Variants in PRDM2 observed in about 807,000 individuals in gnomAD.
PRDM2 encodes the protein PR/SET domain 2.
In PRDM2, 30 loss-of-function variants were observed where a neutral mutation model predicts 130.0. The ratio of observed to expected loss-of-function variants is 0.23; its 90% CI spans 0.17 to 0.31. The LOEUF is 0.31. Ranked by LOEUF, PRDM2 falls within the 10% of genes least tolerant of loss-of-function variation. The pLI, the probability that PRDM2 is intolerant of heterozygous loss-of-function variation, is 1.00. For missense variants in PRDM2, 2,011 were observed against 2,108.4 expected (o/e 0.95, Z 0.90); for synonymous variants, 871 against 782.4 (o/e 1.11, Z -1.89).
intron 4 of PRDM2, among the ~76,000 whole-genome samples, chr1:13,737,843 T>C (rs1250787539): frequency 2.0e-5 from 3 of 152,190 alleles, no homozygotes; most frequent in African/African-American, 7.2e-5. Context: ...TTTTAGCACA[T>C]ACCAGGCACT....
At chr1:13,762,673 T>C (rs1644126992) in intron 6 of PRDM2, among the ~76,000 whole-genome samples, 1 of 152,234 alleles carries the variant, frequency 6.6e-6, no homozygotes, top group African/African-American at 2.4e-5. Context: ...GGGATAATCC[T>C]TGGAGACCAG....
intron 8 of PRDM2, 116 bp downstream of exon 8, chr1:13,782,947 A>G: frequency 6.4e-7 from 1 of 1,558,682 alleles, no homozygotes; most frequent in Non-Finnish European, 8.6e-7. Flanking sequence ...TAAAGGAAAT[A>G]GCTGTTGTAT....
chr1:13,788,851 C>T (rs911159361), intron 8 of PRDM2, among the ~76,000 whole-genome samples: 2 of 152,220 alleles, frequency 1.3e-5, no homozygotes, highest in Non-Finnish European at 2.9e-5. Context: ...AACGGGCCTC[C>T]AACAAGCGCC....
rs1431529658 is a variant in PRDM2 at position 13,803,911 on chromosome 1, C to CGTG, written c.5037-12514_5037-12512dup. 1.3e-5 allele frequency among the ~76,000 whole-genome samples: 2 copies of CGTG among 152,118 alleles called. No homozygotes were observed. Among genetic ancestry groups the CGTG allele is most frequent in the African/African-American group, 4.8e-5 (2 of 41,424 alleles). Reference sequence around the variant, plus strand: ...AGGGGCGTGATTGATCTTTTGGGAGCGTGGAGGCCACATTGGGGGCTCAGC... The same window carrying CGTG: ...AGGGGCGTGATTGATCTTTTGGGAGCGTGGTGGAGGCCACATTGGGGGCTCAGC... On this transcript the variant is annotated intron_variant, in intron 8 of 9. Coordinates refer to ENST00000311066, the MANE Select transcript of PRDM2 (RefSeq NM_001393986.1). The surrounding 1 kb of genome is among the most constrained non-coding windows in gnomAD (Gnocchi z 6.2).
chr1:13,734,211 C>T (rs759761360), intron 4 of PRDM2, among the ~76,000 whole-genome samples: 26 of 152,168 alleles, frequency 1.7e-4, no homozygotes, highest in Non-Finnish European at 3.8e-4. Flanking sequence ...TGTAGAAAAA[C>T]TGCCCGGCCA....
At chr1:13,736,940 CTG>C (rs1277613473) in intron 4 of PRDM2, among the ~76,000 whole-genome samples, 1 of 152,152 alleles carries the variant, frequency 6.6e-6, no homozygotes, top group African/African-American at 2.4e-5. Flanking sequence ...GAAATTGTCT[CTG>C]TATAATGAGA....
rs149217894 is a variant in PRDM2 at position 13,804,834 on chromosome 1, G to A, written c.5037-11593G>A. 8.1e-3 allele frequency among the ~76,000 whole-genome samples: 1,231 copies of A among 152,302 alleles called. 23 individuals carry two copies. The highest frequency in any genetic ancestry group is 0.03 in the South Asian group (144 of 4,826). ...TGCCCTCTGAGCAAAGGTGGGTCCA[G>A]CCCAAAACAGACTGCCAGAGTCTTG... On this transcript the variant is annotated intron_variant, in intron 8 of 9. Transcript: ENST00000311066.
chr1:13,713,928 G>A (rs780005143), intron 1 of PRDM2, among the ~76,000 whole-genome samples: 78 of 152,190 alleles, frequency 5.1e-4, no homozygotes, highest in Non-Finnish European at 9.1e-4. Flanking sequence ...GAGTGCAGTG[G>A]CACGATCTCG....
chr1:13,780,191 G>C lies in PRDM2; in HGVS notation c.2396G>C (p.Cys799Ser). The C allele has an allele frequency of 6.2e-7, 1 of 1,600,876 alleles. No homozygotes were observed. Among genetic ancestry groups the C allele is most frequent in the Non-Finnish European group, 8.5e-7 (1 of 1,172,514 alleles). The change falls in exon 8 of 10, where the codon TGC becomes TCC. Residue 799 changes from cysteine to serine, a missense_variant. Transcript: ENST00000311066. ...RDERETVSPP[C>S]FDEYKMSKEW... ...GAGAGAGAAACTGTGAGCCCTCCAT[G>C]CTTTGATGAATATAAAATGTCTAAA...
intron 1 of PRDM2, among the ~76,000 whole-genome samples, chr1:13,700,782 CTTTGTGTT>C (rs929928942): frequency 2.6e-5 from 4 of 152,268 alleles, no homozygotes; most frequent in African/African-American, 9.6e-5. Context: ...TGTCTTGCGT[CTTTGTGTT>C]TCCCAAATAG....
intron 6 of PRDM2, among the ~76,000 whole-genome samples, chr1:13,755,404 A>G (rs1314752897): frequency 6.6e-6 from 1 of 152,126 alleles, no homozygotes; most frequent in African/African-American, 2.4e-5. Flanking sequence ...TTAGGTGGTT[A>G]TTTTGGTTCT....
intron 8 of PRDM2, among the ~76,000 whole-genome samples, chr1:13,796,961 C>A (rs1430202185): frequency 6.6e-6 from 1 of 152,210 alleles, no homozygotes; most frequent in Non-Finnish European, 1.5e-5. Flanking sequence ...AAAGTGCAAT[C>A]AATTCCTTTC....
At chr1:13,749,571 C>T (rs966186455) in intron 6 of PRDM2, 84 bp downstream of exon 6, 3 of 925,278 alleles carry the variant, frequency 3.2e-6, no homozygotes, top group African/African-American at 1.8e-5. Context: ...GCTGCTGGCC[C>T]GACCGCGAGG....
chr1:13,708,677 A>G (rs1642280349), intron 1 of PRDM2, among the ~76,000 whole-genome samples: 1 of 152,194 alleles, frequency 6.6e-6, no homozygotes, highest in African/African-American at 2.4e-5. Flanking sequence ...TTTATTTGTG[A>G]ACATTCTATT....
At chr1:13,786,112 A>G (rs898607962) in intron 8 of PRDM2, among the ~76,000 whole-genome samples, 1 of 152,002 alleles carries the variant, frequency 6.6e-6, no homozygotes, top group African/African-American at 2.4e-5. Flanking sequence ...TGCTGGGATT[A>G]CAGGTGTGAG....
At position 13,782,793 on chromosome 1, in the gene PRDM2, A is replaced by G. The variant is rs1644646774; in HGVS notation, c.4998A>G (p.Arg1666=). Residue 1666 remains arginine, a synonymous_variant, in exon 8 of 10, where the codon AGA becomes AGG. Coordinates refer to ENST00000311066, the MANE Select transcript of PRDM2 (RefSeq NM_001393986.1). ...CTGCTGACTTGAGTGAGAACAAGAGAGAGGACGGCAGCGCCAAGCAGGAGC... is the reference window on the plus strand; with the variant it reads ...CTGCTGACTTGAGTGAGAACAAGAGGGAGGACGGCAGCGCCAAGCAGGAGC... ...AAAADLSENK[R]EDGSAKQELK... is the part of the protein sequence containing the mutation. 1 of 1,608,414 alleles carries G rather than the reference A, an allele frequency of 6.2e-7. No individual in the cohort carries two copies. Among genetic ancestry groups the G allele is most frequent in the Admixed American group, 1.7e-5 (1 of 58,498 alleles).
At position 13,756,601 on chromosome 1, in the gene PRDM2, G is replaced by A. The variant is rs569029158; in HGVS notation, c.511+7114G>A. ...TCTCTAAGTGAAAAAGAGAAATACT[G>A]CAAGTAGCTGTTTTTCTTTTTGCCA... On this transcript the variant is annotated intron_variant, in intron 6 of 9. Coordinates refer to ENST00000311066, the MANE Select transcript of PRDM2 (RefSeq NM_001393986.1). 1.2e-3 allele frequency among the ~76,000 whole-genome samples: 177 copies of A among 152,298 alleles called. 3 individuals carry two copies. In the South Asian group the frequency reaches 0.036, roughly 31 times the overall value.
intron 2 of PRDM2, among the ~76,000 whole-genome samples, chr1:13,721,407 G>T (rs963900766): frequency 1.3e-5 from 2 of 151,450 alleles, no homozygotes; most frequent in Admixed American, 1.3e-4. Flanking sequence ...TAATATAGAA[G>T]TATATTTTTT....
At chr1:13,776,073 T>G (rs1385215194) in intron 7 of PRDM2, among the ~76,000 whole-genome samples, 1 of 152,216 alleles carries the variant, frequency 6.6e-6, no homozygotes, top group East Asian at 1.9e-4. Context: ...CTAAGAAGCC[T>G]TTCCTGATTA....
Sources: gnomAD v4.1 joint callset for allele counts (sites outside exome capture counted in the v4.1 genomes callset) on GRCh38, gnomAD v4.1.1 for gene constraint, Gnocchi (gnomAD v3.1) non-coding constraint, MANE v1.5 for transcripts, NCBI Gene and HGNC (gene_info 2026-07-23, HGNC 2026-07-21) for gene names.